The following LHFPL6 variants were observed in gnomAD, a reference collection of about 807,000 sequenced individuals.
The protein encoded by LHFPL6 is LHFPL tetraspan subfamily member 6 protein.
A neutral mutation model predicts 20.6 loss-of-function variants in LHFPL6; 9 were observed. That is an observed-to-expected ratio of 0.44 (90% CI 0.26 to 0.76). The LOEUF is 0.76. LHFPL6 is among the 30% of genes least tolerant of loss of function. LHFPL6 has a pLI of 0.20. For missense variants in LHFPL6, 218 were observed against 253.5 expected, an observed-to-expected ratio of 0.86 and a Z score of 0.95; for synonymous variants, 105 against 98.7, an observed-to-expected ratio of 1.06 and a Z score of -0.38.
At chr13:39,371,316 T>C (rs1262039916) in intron 3 of LHFPL6, among the ~76,000 whole-genome samples, 8 of 152,194 alleles carry the variant, frequency 5.3e-5, no homozygotes, top group Non-Finnish European at 7.3e-5. Flanking sequence ...ATTAGAAAAG[T>C]CTTTGGTGGA....
intron 2 of LHFPL6, among the ~76,000 whole-genome samples, chr13:39,447,712 T>A (rs543727500): frequency 1.8e-4 from 28 of 152,156 alleles, no homozygotes; most frequent in Admixed American, 1.4e-3. Flanking sequence ...AACGGTTGAG[T>A]TCTCACACAG....
At chr13:39,592,578 T>C (rs1198498135) in intron 2 of LHFPL6, among the ~76,000 whole-genome samples, 5 of 152,160 alleles carry the variant, frequency 3.3e-5, no homozygotes, top group Non-Finnish European at 7.3e-5. Flanking sequence ...TCTGAAACTA[T>C]TCCAATCAAT....
intron 3 of LHFPL6, among the ~76,000 whole-genome samples, chr13:39,359,762 C>A (rs1869829722): frequency 6.6e-6 from 1 of 151,710 alleles, no homozygotes; most frequent in Non-Finnish European, 1.5e-5. Context: ...GCACATGTAC[C>A]CCCAGAATCT....
At chr13:39,543,753 C>T (rs1458067672) in intron 2 of LHFPL6, among the ~76,000 whole-genome samples, 1 of 152,136 alleles carries the variant, frequency 6.6e-6, no homozygotes, top group Non-Finnish European at 1.5e-5. Flanking sequence ...TATGCCAAGT[C>T]ACAAGCTCCT....
At chr13:39,576,317 T>C (rs1328821526) in intron 2 of LHFPL6, among the ~76,000 whole-genome samples, 4 of 152,218 alleles carry the variant, frequency 2.6e-5, no homozygotes, top group Non-Finnish European at 5.9e-5. Context: ...TAGAGTTTAC[T>C]GCTTTAAATT....
intron 2 of LHFPL6, among the ~76,000 whole-genome samples, chr13:39,420,972 T>C (rs966254305): frequency 2.0e-4 from 31 of 152,140 alleles, no homozygotes; most frequent in African/African-American, 5.3e-4. Context: ...TTCCCCCCCC[T>C]CAAAACTAGG....
intron 2 of LHFPL6, among the ~76,000 whole-genome samples, chr13:39,512,729 G>A (rs1009122815): frequency 1.3e-5 from 2 of 152,146 alleles, no homozygotes; most frequent in Non-Finnish European, 2.9e-5. Context: ...AAATATTCAT[G>A]ATGTATTCAG....
At chr13:39,462,491 T>A (rs1008575536) in intron 2 of LHFPL6, among the ~76,000 whole-genome samples, 1 of 152,196 alleles carries the variant, frequency 6.6e-6, no homozygotes, top group Non-Finnish European at 1.5e-5. Context: ...TTAAAGTCAT[T>A]TCCTTCTACA....
intron 2 of LHFPL6, among the ~76,000 whole-genome samples, chr13:39,598,174 A>G (rs1042129736): frequency 2.0e-5 from 3 of 152,256 alleles, no homozygotes; most frequent in Admixed American, 1.3e-4. Context: ...ATGAAACCCA[A>G]CTCATCATAG....
chr13:39,417,442 C>T (rs1248555396), intron 2 of LHFPL6, among the ~76,000 whole-genome samples: 1 of 152,006 alleles, frequency 6.6e-6, no homozygotes, highest in East Asian at 2.0e-4. Context: ...TTTGTTTTGC[C>T]TTTTGAAAAT....
intron 3 of LHFPL6, among the ~76,000 whole-genome samples, chr13:39,369,999 G>A (rs759959693): frequency 2.0e-5 from 3 of 152,082 alleles, no homozygotes; most frequent in Non-Finnish European, 4.4e-5. Flanking sequence ...TTTTGAAAAC[G>A]TGGAACCTAC....
intron 3 of LHFPL6, among the ~76,000 whole-genome samples, chr13:39,356,652 A>C (rs1037089393): frequency 6.6e-6 from 1 of 152,234 alleles, no homozygotes; most frequent in African/African-American, 2.4e-5. Flanking sequence ...AGAGGATCCA[A>C]AACAGCACAA....
chr13:39,443,859 T>C lies in LHFPL6; in HGVS notation c.386-65333A>G, dbSNP rs145876727. 1.3e-4 allele frequency among the ~76,000 whole-genome samples: 20 copies of C among 151,652 alleles called. No homozygotes were observed. The East Asian group carries it at 3.7e-3, about 28-fold the overall frequency. ...TCAATAAGTTACATGAGATATTCCA[T>C]ACTAGATTATACAATAGGCTTTTGT... On this transcript the variant is annotated intron_variant, in intron 2 of 3. Transcript: ENST00000379589.
intron 2 of LHFPL6, among the ~76,000 whole-genome samples, chr13:39,510,871 A>AT (rs141534067): frequency 0.2 from 21,574 of 107,216 alleles, 3,051 homozygotes; most frequent in African/African-American, 0.43. Flanking sequence ...CATTACTTTA[A>AT]ATTTTTTTTT....
intron 3 of LHFPL6, among the ~76,000 whole-genome samples, chr13:39,368,717 G>C (rs1022701874): frequency 3.3e-5 from 5 of 152,156 alleles, no homozygotes; most frequent in Non-Finnish European, 7.3e-5. Flanking sequence ...AGAATAAAAA[G>C]AGACAGGCAT....
chr13:39,502,424 G>A (rs1210942035), intron 2 of LHFPL6, among the ~76,000 whole-genome samples: 1 of 150,866 alleles, frequency 6.6e-6, no homozygotes, highest in Non-Finnish European at 1.5e-5. Context: ...TTCGAGACCA[G>A]CCTGGGAAAC....
chr13:39,564,001 A>G (rs1871632283), intron 2 of LHFPL6, among the ~76,000 whole-genome samples: 1 of 152,158 alleles, frequency 6.6e-6, no homozygotes, highest in African/African-American at 2.4e-5. Flanking sequence ...TCCCCGTATC[A>G]CGTTGAGCCC....
chr13:39,390,813 G>A (rs568570748), intron 2 of LHFPL6, among the ~76,000 whole-genome samples: 29 of 152,052 alleles, frequency 1.9e-4, no homozygotes, highest in Non-Finnish European at 3.5e-4. Context: ...TGGCCAACAT[G>A]GTGAAACCCC....
chr13:39,594,957 G>A (rs1872722933), intron 2 of LHFPL6, among the ~76,000 whole-genome samples: 1 of 152,070 alleles, frequency 6.6e-6, no homozygotes, highest in Non-Finnish European at 1.5e-5. Context: ...TCACATACCG[G>A]GGCCTATTGT....
Sources: allele counts gnomAD v4.1 joint callset (sites outside exome capture counted in the v4.1 genomes callset), GRCh38; gene constraint gnomAD v4.1.1; transcripts MANE v1.5; gene names NCBI Gene and HGNC (gene_info 2026-07-23, HGNC 2026-07-21).